GALNTL6: variants seen among roughly 807,000 people sequenced by gnomAD.
GALNTL6 encodes polypeptide N-acetylgalactosaminyltransferase-like 6.
In GALNTL6, 46 loss-of-function variants were observed where a neutral mutation model predicts 73.7. The observed-to-expected ratio is 0.62, with a 90% confidence interval of 0.49 to 0.80. The LOEUF is 0.80. Ranked by LOEUF, GALNTL6 falls within the 30% of genes least tolerant of loss-of-function variation. The pLI is 0.00. For synonymous variants in GALNTL6, 259 were observed against 263.7 expected, an observed-to-expected ratio of 0.98 and a Z score of 0.17; for missense variants, 604 against 755.0, an observed-to-expected ratio of 0.80 and a Z score of 2.34.
intron 5 of GALNTL6, among the ~76,000 whole-genome samples, chr4:172,633,613 T>C (rs1476496467): frequency 1.3e-5 from 2 of 152,204 alleles, no homozygotes; most frequent in African/African-American, 4.8e-5. Context: ...GAGTTGATGC[T>C]GAAATGAGTT....
chr4:172,481,281 G>A (rs900776653), intron 5 of GALNTL6, among the ~76,000 whole-genome samples: 4 of 151,654 alleles, frequency 2.6e-5, no homozygotes, highest in East Asian at 1.9e-4. Flanking sequence ...TTGTGGTCTC[G>A]CAGGCCTCAG....
chr4:172,341,585 G>A (rs1741568900), intron 4 of GALNTL6, among the ~76,000 whole-genome samples: 2 of 152,112 alleles, frequency 1.3e-5, no homozygotes, highest in African/African-American at 2.4e-5. Context: ...GGTTGGAGAT[G>A]ATGGAATCAT....
In GALNTL6 at chr4:172,740,273, T is replaced by C. The variant is rs188552814; in HGVS notation, c.554-69088T>C. On this transcript the variant is annotated intron_variant, in intron 5 of 12. Transcript: ENST00000506823. ...GAAGAAATTTAATATAAGAACTTAA[T>C]TACACATTAATCTGTGGCACAGAAG... 4.4e-3 allele frequency among the ~76,000 whole-genome samples: 677 copies of C among 152,286 alleles called. 5 individuals are homozygous for C. Among genetic ancestry groups the C allele is most frequent in the Non-Finnish European group, 5.2e-3 (353 of 68,026 alleles).
intron 5 of GALNTL6, among the ~76,000 whole-genome samples, chr4:172,713,329 G>A (rs1031710694): frequency 6.6e-6 from 1 of 151,290 alleles, no homozygotes; most frequent in Admixed American, 6.6e-5. Context: ...GAGGCTGGCA[G>A]GTCCAAAGTC....
At chr4:173,014,376 C>T (rs1370565162) in intron 11 of GALNTL6, among the ~76,000 whole-genome samples, 1 of 152,304 alleles carries the variant, frequency 6.6e-6, no homozygotes, top group East Asian at 1.9e-4. Flanking sequence ...GGAGGAACCC[C>T]CTTGGTCTAG....
chr4:172,570,459 G>A (rs1736719197), intron 5 of GALNTL6, among the ~76,000 whole-genome samples: 1 of 152,178 alleles, frequency 6.6e-6, no homozygotes, highest in Admixed American at 6.5e-5. Context: ...GACTGGTGCT[G>A]TATTTGGAGG....
At position 172,117,847 on chromosome 4, in the gene GALNTL6, G is replaced by A. The variant is rs925414232; in HGVS notation, c.139-111809G>A. ...CATTATTAAAAAAGTTTCCAAATAG[G>A]AAAACTAAACTAAAATGAAAAAAAC... On this transcript the variant is annotated intron_variant, in intron 2 of 12. Transcript: ENST00000506823. Among the ~76,000 whole-genome samples the A allele has an allele frequency of 1.3e-4, 20 of 151,900 alleles. 1 individual carries two copies. Among genetic ancestry groups the A allele is most frequent in the African/African-American group, 4.8e-4 (20 of 41,342 alleles).
intron 5 of GALNTL6, among the ~76,000 whole-genome samples, chr4:172,694,890 A>T (rs910913986): frequency 5.3e-5 from 8 of 152,226 alleles, no homozygotes; most frequent in Admixed American, 3.9e-4. Flanking sequence ...TTCTTTGATG[A>T]TTCCAGAATA....
At chr4:172,113,046 G>C (rs894753976) in intron 2 of GALNTL6, among the ~76,000 whole-genome samples, 1 of 151,720 alleles carries the variant, frequency 6.6e-6, no homozygotes, top group Non-Finnish European at 1.5e-5. Flanking sequence ...TCTTTATTTT[G>C]ATACACATTT....
At chr4:171,907,421 G>A (rs1737326110) in intron 2 of GALNTL6, among the ~76,000 whole-genome samples, 1 of 151,766 alleles carries the variant, frequency 6.6e-6, no homozygotes, top group Non-Finnish European at 1.5e-5. Context: ...AAAATACCTA[G>A]GAATCCAACT....
intron 2 of GALNTL6, among the ~76,000 whole-genome samples, chr4:172,048,561 G>A (rs1010528378): frequency 6.6e-6 from 1 of 151,962 alleles, no homozygotes; most frequent in Admixed American, 6.6e-5. Flanking sequence ...CCATCAAATG[G>A]ACCATTTCCC....
At chr4:171,897,195 T>C (rs1340152493) in intron 2 of GALNTL6, among the ~76,000 whole-genome samples, 2 of 152,172 alleles carry the variant, frequency 1.3e-5, no homozygotes, top group African/African-American at 2.4e-5. Context: ...GATCATTGAC[T>C]CTTGTCAGGG....
At chr4:171,994,099 C>A (rs1740417750) in intron 2 of GALNTL6, among the ~76,000 whole-genome samples, 1 of 151,696 alleles carries the variant, frequency 6.6e-6, no homozygotes, top group Non-Finnish European at 1.5e-5. Flanking sequence ...AGTGTATTGC[C>A]CCTTTGTTTT....
At chr4:172,913,444 G>A (rs937543468) in intron 8 of GALNTL6, among the ~76,000 whole-genome samples, 4 of 152,110 alleles carry the variant, frequency 2.6e-5, no homozygotes, top group Non-Finnish European at 4.4e-5. Flanking sequence ...TAACTTCTTC[G>A]AGCTAAAGGA....
At chr4:172,159,427 T>C (rs150690126) in intron 2 of GALNTL6, among the ~76,000 whole-genome samples, 1 of 152,276 alleles carries the variant, frequency 6.6e-6, no homozygotes, top group African/African-American at 2.4e-5. Context: ...TTTGAAAGAA[T>C]AGATACTCAG....
intron 5 of GALNTL6, among the ~76,000 whole-genome samples, chr4:172,636,700 T>G (rs1210212176): frequency 1.3e-5 from 2 of 152,216 alleles, no homozygotes; most frequent in Non-Finnish European, 2.9e-5. Flanking sequence ...AACAAATGTG[T>G]GTTGCTTTAA....
chr4:172,392,172 A>G (rs138762666), intron 5 of GALNTL6, among the ~76,000 whole-genome samples: 6 of 152,188 alleles, frequency 3.9e-5, no homozygotes, highest in Non-Finnish European at 5.9e-5. Flanking sequence ...TATTTTTAGT[A>G]GAGGCAGGGT....
intron 10 of GALNTL6, among the ~76,000 whole-genome samples, chr4:173,001,448 A>T (rs1339736227): frequency 6.6e-6 from 1 of 152,240 alleles, no homozygotes; most frequent in Non-Finnish European, 1.5e-5. Context: ...TCTCCATGGC[A>T]TTGGAATGTC....
chr4:172,940,177 C>T (rs965273005), intron 9 of GALNTL6, among the ~76,000 whole-genome samples: 6 of 150,454 alleles, frequency 4.0e-5, no homozygotes, highest in African/African-American at 1.2e-4. Context: ...TCCCACAAAA[C>T]CTCGCAAAAC....
Sources: allele counts gnomAD v4.1 joint callset (sites outside exome capture counted in the v4.1 genomes callset), GRCh38; gene constraint gnomAD v4.1.1; transcripts MANE v1.5; gene names NCBI Gene and HGNC (gene_info 2026-07-23, HGNC 2026-07-21).